The following DYNC2H1 variants were observed in gnomAD, a reference collection of about 807,000 sequenced individuals.
DYNC2H1 encodes cytoplasmic dynein 2 heavy chain 1.
Under a neutral mutation model 570.0 loss-of-function variants are expected in DYNC2H1, and 410 were observed. That is an observed-to-expected ratio of 0.72 (90% CI 0.66 to 0.78). DYNC2H1 has a LOEUF of 0.78. DYNC2H1 is among the 30% of genes least tolerant of loss of function. DYNC2H1 has a pLI of 0.00. For missense variants in DYNC2H1, 4,865 were observed against 5,046.4 expected (o/e 0.96, Z 1.09); for synonymous variants, 1,688 against 1,677.6 (o/e 1.01, Z -0.15).
At position 103,326,599 on chromosome 11, in the gene DYNC2H1, T is replaced by A. The variant is rs1938496406; in HGVS notation, c.12039+2609T>A. On this transcript the variant is annotated intron_variant, in intron 82 of 88. Transcript: ENST00000375735. The surrounding 1 kb of genome is among the most constrained non-coding windows in gnomAD (Gnocchi z 6.1). ...CAGCCCTTGGCTTGGGGTCAGACTC[T>A]GGCAGCACTGGGGGATCTGAAGTGC... Among the ~76,000 whole-genome samples, 1 of 152,216 alleles carries A rather than the reference T, an allele frequency of 6.6e-6. No homozygotes were observed. The highest frequency in any genetic ancestry group is 2.1e-4 in the South Asian group (1 of 4,836).
At chr11:103,333,486 G>A (rs777195846) in intron 82 of DYNC2H1, among the ~76,000 whole-genome samples, 1 of 152,070 alleles carries the variant, frequency 6.6e-6, no homozygotes, top group Non-Finnish European at 1.5e-5. Context: ...GGATGGTCTC[G>A]ATCTCCTGAC....
At chr11:103,247,976 G>A (rs1355612863) in intron 65 of DYNC2H1, among the ~76,000 whole-genome samples, 1 of 151,996 alleles carries the variant, frequency 6.6e-6, no homozygotes, top group African/African-American at 2.4e-5. Flanking sequence ...CTCTTGCAAG[G>A]GCTATGATTT....
chr11:103,174,125 G>T lies in DYNC2H1; in HGVS notation c.5629G>T (p.Gly1877Ter). ...TTTGAAGACAGTTCTGAGAGGAAGT[G>T]GAAATCTCCTTAGACAGCTAAACAA... Reference protein sequence around the residue: ...RALKTVLRGSGNLLRQLNKSG... With the variant: ...RALKTVLRGS The change falls in exon 36 of 89, where the codon GGA becomes TGA. Residue 1877 changes from glycine to a stop codon, truncating the protein, a stop_gained. Coordinates refer to ENST00000375735, the MANE Select transcript of DYNC2H1 (RefSeq NM_001377.3). LOFTEE classifies it high-confidence loss of function. The T allele has an allele frequency of 6.3e-7, 1 of 1,588,944 alleles. No homozygotes were observed. Among genetic ancestry groups the T allele is most frequent in the Non-Finnish European group, 8.6e-7 (1 of 1,166,262 alleles).
intron 82 of DYNC2H1, among the ~76,000 whole-genome samples, chr11:103,336,493 TCTA>T (rs71066150): frequency 0.29 from 44,439 of 151,712 alleles, 6,538 homozygotes; most frequent in South Asian, 0.37. Context: ...TAACTGTTAT[TCTA>T]CTCTCCTACC....
At chr11:103,473,263 C>T (rs995519605) in intron 88 of DYNC2H1, among the ~76,000 whole-genome samples, 27 of 149,654 alleles carry the variant, frequency 1.8e-4, no homozygotes, top group African/African-American at 6.7e-4. Flanking sequence ...GACATTCACA[C>T]TATTTATTCA....
intron 82 of DYNC2H1, among the ~76,000 whole-genome samples, chr11:103,355,496 G>C (rs1174171105): frequency 1.3e-5 from 2 of 152,134 alleles, no homozygotes; most frequent in East Asian, 3.8e-4. Flanking sequence ...TTCCTATAGA[G>C]TTGGTATTGT....
intron 83 of DYNC2H1, among the ~76,000 whole-genome samples, chr11:103,383,246 G>T (rs1008377431): frequency 6.6e-6 from 1 of 152,110 alleles, no homozygotes; most frequent in African/African-American, 2.4e-5. Flanking sequence ...CCTGCTTCAC[G>T]TTCTTGTATA....
intron 12 of DYNC2H1, among the ~76,000 whole-genome samples, chr11:103,127,430 TG>T (rs1859057098): frequency 6.6e-6 from 1 of 152,334 alleles, no homozygotes; most frequent in South Asian, 2.1e-4. Context: ...GTATTGCTTC[TG>T]GTTTTCTTGA....
At chr11:103,206,143 T>C (rs930307280) in intron 52 of DYNC2H1, among the ~76,000 whole-genome samples, 1 of 152,150 alleles carries the variant, frequency 6.6e-6, no homozygotes, top group African/African-American at 2.4e-5. Context: ...GTATTCTGCA[T>C]ACATTTTGCA....
At chr11:103,208,783 T>A (rs989322385) in intron 52 of DYNC2H1, among the ~76,000 whole-genome samples, 3 of 152,066 alleles carry the variant, frequency 2.0e-5, no homozygotes, top group Non-Finnish European at 2.9e-5. Flanking sequence ...TATATGAGAA[T>A]ATGTAATAGA....
At chr11:103,113,479 AT>A (rs1331847579) in intron 1 of DYNC2H1, 57 bp from the exon 2 acceptor site, 12 of 1,366,288 alleles carry the variant, frequency 8.8e-6, no homozygotes, top group South Asian at 1.9e-5. Flanking sequence ...CTTTGTCTAC[AT>A]TTTTTTCAAA....
In DYNC2H1 at chr11:103,154,535, A is replaced by G. The variant is rs1206484894; in HGVS notation, c.3387A>G (p.Gln1129=). The G allele has an allele frequency of 6.3e-7, 1 of 1,591,528 alleles. No homozygotes were observed. The highest frequency in any genetic ancestry group is 1.8e-5 in the Admixed American group (1 of 56,544). ...CTAAAGATATCGAGAGCTGTGCCCA[A>G]ATTTGGGCCTTTTATGAAGAGTTTC... ...SISKDIESCA[Q]IWAFYEEFQQ... Residue 1129 remains glutamine (Q), a synonymous_variant, in exon 23 of 89, where the codon CAA becomes CAG. Coordinates refer to ENST00000375735, the MANE Select transcript of DYNC2H1 (RefSeq NM_001377.3).
chr11:103,333,957 T>C (rs562267173), intron 82 of DYNC2H1, among the ~76,000 whole-genome samples: 40 of 152,312 alleles, frequency 2.6e-4, no homozygotes, highest in African/African-American at 9.1e-4. Context: ...TATCTCTTTC[T>C]TTTAAATTCT....
At chr11:103,182,252 G>A (rs1409867997) in intron 40 of DYNC2H1, among the ~76,000 whole-genome samples, 1 of 149,378 alleles carries the variant, frequency 6.7e-6, no homozygotes, top group Non-Finnish European at 1.5e-5. Context: ...TAATATATAG[G>A]TATTTATATA....
rs113707199 is a variant in DYNC2H1, at chr11:103,303,103, G to T, written c.11106G>T (p.Glu3702Asp). ...LFACKTLGLK[E>D]VSPLPLNLKR... Reference sequence around the variant, plus strand: ...AAATATATATTTTAGGACTGAAAGAGGTGTCCCCACTGCCTCTAAATCTCA... The same window carrying T: ...AAATATATATTTTAGGACTGAAAGATGTGTCCCCACTGCCTCTAAATCTCA... The change falls in exon 76 of 89, where the codon GAG (glutamate) becomes GAT (aspartate). Residue 3702 changes from glutamate (E) to aspartate (D), a missense_variant. Glu to Asp is a conservative substitution (Grantham distance 45, BLOSUM62 2). Transcript: ENST00000375735. The T allele has an allele frequency of 1.9e-6, 3 of 1,556,178 alleles. No homozygotes were observed. The highest frequency in any genetic ancestry group is 1.3e-5 in the South Asian group (1 of 78,152).
In DYNC2H1 at chr11:103,153,445, C is replaced by A; in HGVS notation, c.3239C>A (p.Ala1080Glu). Residue 1080 changes from alanine to glutamate, a missense_variant, in exon 22 of 89, where the codon GCA becomes GAA. Physicochemically the swap from Ala to Glu is moderately radical, Grantham distance 107. Coordinates refer to ENST00000375735, the MANE Select transcript of DYNC2H1 (RefSeq NM_001377.3). ...CAACATAATACTCTTGATAAAAGTG[C>A]AAAGTTAATAAAAGAGAAAAAAATT... ...TGQHNTLDKS[A>E]KLIKEKKIEF... 1 of 1,569,222 alleles carries A rather than the reference C, an allele frequency of 6.4e-7. No homozygotes were observed. The highest frequency in any genetic ancestry group is 1.2e-5 in the South Asian group (1 of 82,980).
At position 103,465,824 on chromosome 11, in the gene DYNC2H1, G is replaced by C. The variant is rs1442489358; in HGVS notation, c.12649-2765G>C. Among the ~76,000 whole-genome samples, 1 of 152,136 alleles carries C rather than the reference G, an allele frequency of 6.6e-6. No homozygotes were observed. The highest frequency in any genetic ancestry group is 1.5e-5 in the Non-Finnish European group (1 of 68,022). On this transcript the variant is annotated intron_variant, in intron 87 of 88. Transcript: ENST00000375735. This position sits in a 1 kb window ranked among gnomAD's most constrained non-coding sequence, Gnocchi z 4.9. Reference sequence around the variant, plus strand: ...CAGTGCAGCATTTCTAGAAGGCAGAGCCTTTTAAAGCCTAGCTTCAGAAGT... The same window carrying C: ...CAGTGCAGCATTTCTAGAAGGCAGACCCTTTTAAAGCCTAGCTTCAGAAGT...
chr11:103,468,455 A>G, intron 87 of DYNC2H1, 134 bp from the exon 88 acceptor site: 1 of 607,168 alleles, frequency 1.6e-6, no homozygotes, highest in Non-Finnish European at 2.9e-6. Context: ...TTCTCAAAGT[A>G]CCATAATCTT....
chr11:103,296,879 A>G (rs1394322099), intron 75 of DYNC2H1, among the ~76,000 whole-genome samples: 2 of 151,764 alleles, frequency 1.3e-5, no homozygotes, highest in Non-Finnish European at 2.9e-5. Flanking sequence ...TCTAGAACAC[A>G]TTCTTCTCTT....
Sources: allele counts gnomAD v4.1 joint callset (sites outside exome capture counted in the v4.1 genomes callset), GRCh38; gene constraint gnomAD v4.1.1; non-coding constraint Gnocchi (gnomAD v3.1); transcripts MANE v1.5; gene names NCBI Gene and HGNC (gene_info 2026-07-23, HGNC 2026-07-21).